ST6GALNAC3: variants seen among roughly 807,000 people sequenced by gnomAD.
ST6GALNAC3 encodes alpha-N-acetylgalactosaminide alpha-2,6-sialyltransferase 3.
Under a neutral mutation model 32.7 loss-of-function variants are expected in ST6GALNAC3, and 25 were observed. The ratio of observed to expected loss-of-function variants is 0.76; its 90% CI spans 0.56 to 1.07. The LOEUF (loss-of-function observed/expected upper bound fraction) is 1.07, where lower values mean the gene tolerates loss of function less well. Ranked by LOEUF, ST6GALNAC3 falls within the 50% of genes least tolerant of loss-of-function variation. The pLI is 0.00. For synonymous variants in ST6GALNAC3, 129 were observed against 133.1 expected (o/e 0.97, Z 0.21); for missense variants, 355 against 382.4 (o/e 0.93, Z 0.60).
At chr1:76,254,027 G>A (rs1295949408) in intron 1 of ST6GALNAC3, among the ~76,000 whole-genome samples, 7 of 152,102 alleles carry the variant, frequency 4.6e-5, no homozygotes, top group Non-Finnish European at 8.8e-5. Context: ...TCTGGAAGGG[G>A]CTATGCATTT....
intron 3 of ST6GALNAC3, among the ~76,000 whole-genome samples, chr1:76,480,521 A>G (rs1366566928): frequency 6.6e-6 from 1 of 152,154 alleles, no homozygotes; most frequent in Admixed American, 6.6e-5. Flanking sequence ...TTTGAATGAC[A>G]TGGAAATGTC....
At chr1:76,354,152 A>G (rs1293757416) in intron 2 of ST6GALNAC3, 1 of 152,814 alleles carries the variant, frequency 6.5e-6, no homozygotes, top group Non-Finnish European at 1.5e-5. Flanking sequence ...TGCTGTTGCT[A>G]CCACTGCTCC....
At chr1:76,113,341 A>AGGGAGG (rs371571830) in intron 1 of ST6GALNAC3, among the ~76,000 whole-genome samples, 16 of 10,686 alleles carry the variant, frequency 1.5e-3, no homozygotes, top group Admixed American at 3.1e-3. Context: ...GAGACGGGAG[A>AGGGAGG]GGGAGGGGGA....
chr1:76,554,955 G>A (rs913764656), intron 3 of ST6GALNAC3, among the ~76,000 whole-genome samples: 1 of 152,072 alleles, frequency 6.6e-6, no homozygotes, highest in Admixed American at 6.6e-5. Context: ...TAGAAACTGA[G>A]GTTCAAAACA....
intron 3 of ST6GALNAC3, among the ~76,000 whole-genome samples, chr1:76,610,994 T>TA (rs1342939083): frequency 1.3e-5 from 2 of 152,248 alleles, no homozygotes; most frequent in Admixed American, 1.3e-4. Flanking sequence ...TCCTTGTTTT[T>TA]ATGCAATAGA....
chr1:76,270,631 C>A (rs1408657954), intron 1 of ST6GALNAC3, among the ~76,000 whole-genome samples: 1 of 151,750 alleles, frequency 6.6e-6, no homozygotes, highest in African/African-American at 2.4e-5. Flanking sequence ...AAACTGAAAT[C>A]CACAGTGGTC....
intron 1 of ST6GALNAC3, among the ~76,000 whole-genome samples, chr1:76,205,837 A>T (rs1277328335): frequency 2.2e-5 from 1 of 46,250 alleles, no homozygotes; most frequent in East Asian, 0.045. Flanking sequence ...AGCACTAGGG[A>T]TGTTAAAGAT....
chr1:76,581,185 ATCT>A (rs968665128), intron 3 of ST6GALNAC3, among the ~76,000 whole-genome samples: 2 of 152,066 alleles, frequency 1.3e-5, no homozygotes, highest in African/African-American at 2.4e-5. Flanking sequence ...AGTAATCCTC[ATCT>A]TCTTTTTATT....
chr1:76,473,113 G>A (rs1356085226), intron 3 of ST6GALNAC3, among the ~76,000 whole-genome samples: 1 of 152,086 alleles, frequency 6.6e-6, no homozygotes, highest in Admixed American at 6.6e-5. Flanking sequence ...TGGGTGGGGA[G>A]TAGAGAGTTG....
chr1:76,103,903 T>A (rs1164733036), intron 1 of ST6GALNAC3, among the ~76,000 whole-genome samples: 1 of 152,238 alleles, frequency 6.6e-6, no homozygotes, highest in South Asian at 2.1e-4. Context: ...TTCAGTCACA[T>A]CTTTTTCCAT....
intron 3 of ST6GALNAC3, among the ~76,000 whole-genome samples, chr1:76,552,314 A>G (rs1664687462): frequency 6.6e-6 from 1 of 152,202 alleles, no homozygotes; most frequent in Admixed American, 6.5e-5. Flanking sequence ...TTTCCCCCAC[A>G]TTGGAGAGCT....
chr1:76,408,127 T>C (rs924335888), intron 2 of ST6GALNAC3, among the ~76,000 whole-genome samples: 1 of 152,110 alleles, frequency 6.6e-6, no homozygotes, highest in African/African-American at 2.4e-5. Context: ...AGCAAGCTTT[T>C]TGTGCTACCT....
rs529288135 is a variant in ST6GALNAC3 at position 76,422,293 on chromosome 1, A to C, written c.623+9876A>C. Among the ~76,000 whole-genome samples, 246 of 152,148 alleles carry C rather than the reference A, an allele frequency of 1.6e-3. 2 individuals carry two copies. The highest frequency in any genetic ancestry group is 3.4e-3 in the Admixed American group (52 of 15,236). On this transcript the variant is annotated intron_variant, in intron 3 of 4. Transcript: ENST00000328299. ...GGGGTCTTTAATCGCTTAAAGAAAA[A>C]AATGCATCCACTCAGAAACAGTGCA...
intron 1 of ST6GALNAC3, among the ~76,000 whole-genome samples, chr1:76,109,151 G>A (rs1336892222): frequency 1.3e-5 from 2 of 152,176 alleles, no homozygotes; most frequent in Non-Finnish European, 2.9e-5. Context: ...CTCGTTTGCT[G>A]TTATGGTTTA....
intron 1 of ST6GALNAC3, among the ~76,000 whole-genome samples, chr1:76,225,672 AAC>A (rs1656025317): frequency 6.6e-6 from 1 of 152,208 alleles, no homozygotes; most frequent in African/African-American, 2.4e-5. Context: ...AATATTACTT[AAC>A]CTAAGAGCTT....
intron 3 of ST6GALNAC3, among the ~76,000 whole-genome samples, chr1:76,512,284 TC>T (rs1352047111): frequency 6.6e-6 from 1 of 152,172 alleles, no homozygotes. Flanking sequence ...CCACAGGTAA[TC>T]CCTAATAAGA....
At chr1:76,446,363 G>A (rs995400984) in intron 3 of ST6GALNAC3, among the ~76,000 whole-genome samples, 2 of 152,118 alleles carry the variant, frequency 1.3e-5, no homozygotes, top group Admixed American at 6.6e-5. Context: ...CAAAGTGTAT[G>A]TGAGCATGTA....
chr1:76,396,194 G>A (rs1225655846), intron 2 of ST6GALNAC3, among the ~76,000 whole-genome samples: 1 of 152,180 alleles, frequency 6.6e-6, no homozygotes, highest in African/African-American at 2.4e-5. Flanking sequence ...GCCAGGCATG[G>A]TGACTCATGC....
In ST6GALNAC3 at chr1:76,452,212, A is replaced by T. The variant is rs538138754; in HGVS notation, c.623+39795A>T. 2.6e-5 allele frequency among the ~76,000 whole-genome samples: 4 copies of T among 152,280 alleles called. No individual in the cohort carries two copies. In the South Asian group the frequency reaches 8.3e-4, roughly 32 times the overall value. The stretch of plus-strand genomic sequence containing the variant: ...TAGTGAATAAGTCTCACAAGATCTA[A>T]TGGCTTTATAAGGTGGAGTTTCCCT... On this transcript the variant is annotated intron_variant, in intron 3 of 4. Coordinates refer to ENST00000328299, the MANE Select transcript of ST6GALNAC3 (RefSeq NM_152996.4).
Sources: allele counts gnomAD v4.1 joint callset (sites outside exome capture counted in the v4.1 genomes callset), GRCh38; gene constraint gnomAD v4.1.1; transcripts MANE v1.5; gene names NCBI Gene and HGNC (gene_info 2026-07-23, HGNC 2026-07-21).